Variants in WDR59 observed in about 807,000 individuals in gnomAD.
WDR59 encodes WD repeat domain 59.
In WDR59, 100 loss-of-function variants were observed where a neutral mutation model predicts 131.2. The observed-to-expected ratio is 0.76, with a 90% CI of 0.65 to 0.90. The LOEUF is 0.90. Among genes scored for constraint, WDR59 ranks in the 40% least tolerant of loss-of-function variants. WDR59 has a pLI of 0.00. For synonymous variants in WDR59, 601 were observed against 466.2 expected, an observed-to-expected ratio of 1.29 and a Z score of -3.72; for missense variants, 1,203 against 1,262.2, an observed-to-expected ratio of 0.95 and a Z score of 0.71.
At chr16:74,982,567 T>C (rs2034468541) in intron 1 of WDR59, among the ~76,000 whole-genome samples, 1 of 152,126 alleles carries the variant, frequency 6.6e-6, no homozygotes, top group Non-Finnish European at 1.5e-5. Flanking sequence ...AATTAAAGGG[T>C]TTGCAGATTA....
rs576176083 is a variant in WDR59, at chr16:74,871,637, T to C, written c.*2572A>G. On this transcript the variant is annotated 3_prime_UTR_variant, in exon 26 of 26. Transcript: ENST00000262144. The stretch of plus-strand genomic sequence containing the variant: ...ACATCTCATTCTTGATGGGGACAGA[T>C]AGGGACAGGTTTTTACACTAACTTG... The C allele has an allele frequency of 7.2e-5, 11 of 152,312 alleles. No homozygotes were observed. Among genetic ancestry groups the C allele is most frequent in the African/African-American group, 2.6e-4 (11 of 41,568 alleles). 9.4% of individuals were successfully genotyped at this position (152,312 alleles called of 1,614,324 possible).
In WDR59 at chr16:74,885,894, G is replaced by T; in HGVS notation, c.2547-99C>A. 2.1e-6 allele frequency: 3 copies of T among 1,422,452 alleles called. No individual in the cohort carries two copies. In the South Asian group the frequency reaches 4.3e-5, roughly 20 times the overall value. The allele number at this position is 1,422,452 out of a possible 1,614,324, so 88.1% of individuals were successfully genotyped here. On this transcript the variant is annotated intron_variant, in intron 24 of 25. Transcript: ENST00000262144. ...ATACCCTTCTTAAAGCAACAGTCCTGGCCAGGCACGGTGGCTAACACCTGT... is the reference window on the plus strand; with the variant it reads ...ATACCCTTCTTAAAGCAACAGTCCTTGCCAGGCACGGTGGCTAACACCTGT...
At position 74,881,305 on chromosome 16, in the gene WDR59, T is replaced by C. The variant is rs1207533180; in HGVS notation, c.2689+4348A>G. The stretch of plus-strand genomic sequence containing the variant: ...ATTACCACAGAGGAAACTGCTGCCT[T>C]TCCAGTGCAAAGAGAAGACCTGTGG... On this transcript the variant is annotated intron_variant, in intron 25 of 25. Transcript: ENST00000262144. Among the ~76,000 whole-genome samples the C allele has an allele frequency of 3.3e-5, 5 of 152,308 alleles. No homozygotes were observed. In the East Asian group the frequency reaches 7.7e-4, roughly 23 times the overall value.
chr16:74,958,029 G>A (rs80196059), intron 2 of WDR59, among the ~76,000 whole-genome samples: 178 of 152,268 alleles, frequency 1.2e-3, no homozygotes, highest in Middle Eastern at 6.8e-3. Context: ...AGCTGGCATC[G>A]TCCCATCAGA....
At chr16:74,955,460 A>G (rs989279418) in intron 3 of WDR59, among the ~76,000 whole-genome samples, 9 of 152,146 alleles carry the variant, frequency 5.9e-5, no homozygotes, top group African/African-American at 1.9e-4. Context: ...GTCCCGAGGT[A>G]TAAACCAACT....
intron 1 of WDR59, among the ~76,000 whole-genome samples, chr16:74,969,092 G>T (rs1172771180): frequency 6.6e-6 from 1 of 152,166 alleles, no homozygotes; most frequent in Non-Finnish European, 1.5e-5. Context: ...TGGAATTTTT[G>T]TATGACCACA....
intron 25 of WDR59, among the ~76,000 whole-genome samples, chr16:74,883,020 CTT>C (rs948092826): frequency 7.1e-4 from 79 of 111,234 alleles, no homozygotes; most frequent in South Asian, 2.3e-3. Flanking sequence ...TTGTTTTTTG[CTT>C]TTTTTTTTTT....
chr16:74,923,949 G>A lies in WDR59; in HGVS notation c.706C>T (p.Pro236Ser), dbSNP rs772093767. The A allele has an allele frequency of 2.5e-6, 4 of 1,613,672 alleles. No individual in the cohort carries two copies. The highest frequency in any genetic ancestry group is 1.7e-5 in the Admixed American group (1 of 59,960). Residue 236 changes from proline to serine, a missense_variant, in exon 9 of 26, where the codon CCT (proline) becomes TCT (serine). Physicochemically the swap from Pro to Ser is moderately conservative, Grantham distance 74 (BLOSUM62 -1). Transcript: ENST00000262144. ...KYLNILPCQVPVWKARYTPFS... is the reference protein window; with the variant it reads ...KYLNILPCQVSVWKARYTPFS... ...ACTGTGTATCTGGCCTTCCAGACAG[G>A]CACCTGGCAAGGAAGAATATTGAGG...
chr16:74,982,462 A>G (rs2034464500), intron 1 of WDR59, among the ~76,000 whole-genome samples: 1 of 152,220 alleles, frequency 6.6e-6, no homozygotes, highest in South Asian at 2.1e-4. Flanking sequence ...ACGACTTCAT[A>G]GCATCCTAAT....
chr16:74,919,429 T>TTCAGGAAATTCTCCTGCC (rs2029945850), intron 10 of WDR59, among the ~76,000 whole-genome samples: 1 of 152,006 alleles, frequency 6.6e-6, no homozygotes, highest in Non-Finnish European at 1.5e-5. Flanking sequence ...CACCTCCTGG[T>TTCAGGAAATTCTCCTGCC]TCAGGAAATT....
intron 17 of WDR59, among the ~76,000 whole-genome samples, chr16:74,906,576 G>A (rs142038317): frequency 2.0e-5 from 3 of 152,230 alleles, no homozygotes; most frequent in African/African-American, 7.2e-5. Flanking sequence ...GAACATATGT[G>A]TCCAGGTTTG....
In WDR59 at chr16:74,903,840, A is replaced by T. The variant is rs191641646; in HGVS notation, c.1866+107T>A. On this transcript the variant is annotated intron_variant, in intron 18 of 25. Transcript: ENST00000262144. ...CTTGAACAAACTGATTACGAAAGTG[A>T]AAGGCTACAGGGTGATTACTAATCT... is the stretch of plus-strand genomic sequence containing the variant. 4.7e-4 allele frequency: 633 copies of T among 1,343,738 alleles called. 2 individuals are homozygous for T. The African/African-American group carries it at 8.2e-3, about 17-fold the overall frequency. 83.2% of individuals were successfully genotyped at this position (1,343,738 alleles called of 1,614,324 possible). A position where few individuals can be genotyped will look rare whatever the true frequency, so the allele number is the denominator to read the frequency against.
At chr16:74,904,293 C>A in intron 17 of WDR59, 193 bp from the exon 18 acceptor site, 1 of 604,796 alleles carries the variant, frequency 1.7e-6, no homozygotes, top group Non-Finnish European at 2.8e-6. Flanking sequence ...TCTATGATTA[C>A]AGACATAAAA....
chr16:74,933,147 AC>A (rs978979982), intron 8 of WDR59, among the ~76,000 whole-genome samples: 10 of 152,162 alleles, frequency 6.6e-5, no homozygotes, highest in African/African-American at 2.4e-4. Context: ...TACAAAAAAA[AC>A]AAAATAATTT....
chr16:74,909,437 G>GA, intron 16 of WDR59, 64 bp downstream of exon 16: 2 of 1,479,334 alleles, frequency 1.4e-6, no homozygotes, highest in Non-Finnish European at 1.8e-6. Flanking sequence ...TGTTTATACA[G>GA]AATCTATGAC....
intron 18 of WDR59, among the ~76,000 whole-genome samples, chr16:74,900,955 C>A (rs555958064): frequency 6.6e-6 from 1 of 152,172 alleles, no homozygotes; most frequent in Non-Finnish European, 1.5e-5. Flanking sequence ...CATGATTAGC[C>A]GGGCATGGTG....
chr16:74,959,127 T>G (rs2033446087), intron 2 of WDR59, among the ~76,000 whole-genome samples: 1 of 151,928 alleles, frequency 6.6e-6, no homozygotes, highest in African/African-American at 2.4e-5. Context: ...CAGTGGAGAG[T>G]GGGTGCTATT....
intron 1 of WDR59, among the ~76,000 whole-genome samples, chr16:74,966,798 C>T (rs1300413784): frequency 2.0e-5 from 3 of 152,174 alleles, no homozygotes; most frequent in Admixed American, 6.6e-5. Flanking sequence ...TTTCTATTTC[C>T]CGGGTCTCCC....
Position 74,942,675 on chromosome 16 carries a change from A to G in WDR59, c.534+63T>C, listed in dbSNP as rs1193426197. On this transcript the variant is annotated intron_variant, in intron 7 of 25. Coordinates refer to ENST00000262144, the MANE Select transcript of WDR59 (RefSeq NM_030581.4). ...CAAGCCAAGTCCTGGCACTCATAAA[A>G]TCATCTTCACACCCTCTGGGAGGGA... is the stretch of plus-strand genomic sequence containing the variant. 3 of 1,553,914 alleles carry G rather than the reference A, an allele frequency of 1.9e-6. No individual in the cohort carries two copies. The African/African-American group carries it at 4.1e-5, about 21-fold the overall frequency.
Sources: gnomAD v4.1 joint callset for allele counts (sites outside exome capture counted in the v4.1 genomes callset) on GRCh38, gnomAD v4.1.1 for gene constraint, MANE v1.5 for transcripts, NCBI Gene and HGNC (gene_info 2026-07-23, HGNC 2026-07-21) for gene names.